Variants in MMS19 observed in about 807,000 individuals in gnomAD.
MMS19 encodes MMS19 cytosolic iron-sulfur assembly component.
Under a neutral mutation model 129.8 loss-of-function variants are expected in MMS19, and 77 were observed. That is an observed-to-expected ratio of 0.59 (90% confidence interval 0.49 to 0.72). The LOEUF is 0.72. MMS19 is among the 30% of genes least tolerant of loss of function. The probability of loss-of-function intolerance (pLI) is 0.00; values close to 1 mark genes in which losing one functional copy is unlikely to be tolerated. For missense variants in MMS19, 1,168 were observed against 1,266.3 expected (o/e 0.92, Z 1.18); for synonymous variants, 491 against 502.8 (o/e 0.98, Z 0.31).
At chr10:97,495,602 C>T (rs2039644058) in intron 1 of MMS19, among the ~76,000 whole-genome samples, 1 of 152,230 alleles carries the variant, frequency 6.6e-6, no homozygotes, top group Admixed American at 6.5e-5. Flanking sequence ...ACAATATTAA[C>T]TTAATCCTTG....
At chr10:97,469,757 A>G (rs1564645012) in intron 10 of MMS19, 34 bp from the exon 11 acceptor site, 1 of 1,581,136 alleles carries the variant, frequency 6.3e-7, no homozygotes. Context: ...AGTTATGTAC[A>G]CACTCAGACA....
chr10:97,486,895 A>G (rs1434678700), intron 1 of MMS19, among the ~76,000 whole-genome samples: 2 of 140,284 alleles, frequency 1.4e-5, no homozygotes, highest in African/African-American at 2.6e-5. Context: ...ATATATATAT[A>G]AAATTAAGAC....
At chr10:97,481,165 G>C in intron 2 of MMS19, 123 bp from the exon 3 acceptor site, 1 of 691,370 alleles carries the variant, frequency 1.4e-6, no homozygotes, top group Non-Finnish European at 2.6e-6. Flanking sequence ...CCTGTTAAGA[G>C]TAAAAACAGC....
intron 3 of MMS19, among the ~76,000 whole-genome samples, chr10:97,479,692 T>G (rs2036407746): frequency 6.6e-6 from 1 of 152,154 alleles, no homozygotes. Context: ...TTGTGCATAA[T>G]TCTTCCAAAG....
intron 18 of MMS19, among the ~76,000 whole-genome samples, chr10:97,464,852 C>T (rs2033049678): frequency 6.6e-6 from 1 of 152,130 alleles, no homozygotes; most frequent in African/African-American, 2.4e-5. Flanking sequence ...GTGCATGCCA[C>T]TGCTCCTGGC....
chr10:97,460,936 G>T lies in MMS19; in HGVS notation c.2383C>A (p.Arg795Ser). 1 of 1,582,748 alleles carries T rather than the reference G, an allele frequency of 6.3e-7. No homozygotes were observed. The highest frequency in any genetic ancestry group is 8.6e-7 in the Non-Finnish European group (1 of 1,163,810). The change falls in exon 24 of 31, where the codon CGT (arginine) becomes AGT (serine). Residue 795 changes from arginine to serine, a missense_variant. By Grantham distance (110) the Arg-to-Ser change is moderately radical. This residue lies in a region of MMS19 where 831 missense variants were observed against 910.8 expected (regional missense o/e 0.91). Coordinates refer to ENST00000438925, the MANE Select transcript of MMS19 (RefSeq NM_022362.5). ...VEAGLGSGPCRSQAFTLLLWV... is the reference protein window; with the variant it reads ...VEAGLGSGPCSSQAFTLLLWV... ...AGAAGAAGAGTGAAGGCCTGACTACGACAGGGCCCAGAGCCCAGGCCAGCC... is the reference window on the plus strand; with the variant it reads ...AGAAGAAGAGTGAAGGCCTGACTACTACAGGGCCCAGAGCCCAGGCCAGCC...
At position 97,466,038 on chromosome 10, in the gene MMS19, CA is replaced by C; in HGVS notation, c.1606+20del. On this transcript the variant is annotated intron_variant, in intron 17 of 30. Coordinates refer to ENST00000438925, the MANE Select transcript of MMS19 (RefSeq NM_022362.5). ...AGCCTTGCTGGAAAGGGATGGGCCA[CA>C]GAGGATTAGAGACACATACCTACAC... 1 of 1,613,366 alleles carries C rather than the reference CA, an allele frequency of 6.2e-7. No individual in the cohort carries two copies. Among genetic ancestry groups the C allele is most frequent in the Non-Finnish European group, 8.5e-7 (1 of 1,179,430 alleles).
chr10:97,484,218 T>A, intron 1 of MMS19, 67 bp from the exon 2 acceptor site: 1 of 1,097,062 alleles, frequency 9.1e-7, no homozygotes, highest in Non-Finnish European at 1.3e-6. Flanking sequence ...TGAATAACAC[T>A]AATTATAATG....
rs774884117 is a variant in MMS19, at chr10:97,468,341, C to A, written c.1129G>T (p.Ala377Ser). 1.3e-5 allele frequency: 21 copies of A among 1,612,994 alleles called. 1 individual carries two copies. The South Asian group carries it at 1.8e-4, about 14-fold the overall frequency. ...LVWPSAKLLQAAAGASARACD... is the reference protein window; with the variant it reads ...LVWPSAKLLQSAAGASARACD... ...GCCCGGGCAGATGCACCTGCAGCTG[C>A]CTGCAACAGCTTGGCACTAGGCCAC... Residue 377 changes from alanine (A) to serine (S), a missense_variant, in exon 13 of 31, where the codon GCA becomes TCA. Around this residue, in one of 3 missense-constraint regions of MMS19, gnomAD observed 831 missense variants for 910.8 expected, o/e 0.91. Coordinates refer to ENST00000438925, the MANE Select transcript of MMS19 (RefSeq NM_022362.5).
At chr10:97,485,608 G>C (rs555874781) in intron 1 of MMS19, among the ~76,000 whole-genome samples, 10 of 151,942 alleles carry the variant, frequency 6.6e-5, no homozygotes. Flanking sequence ...ACTGCACCTG[G>C]CCCTAATTTT....
At chr10:97,479,134 C>T (rs184314053) in intron 3 of MMS19, among the ~76,000 whole-genome samples, 319 of 152,260 alleles carry the variant, frequency 2.1e-3, no homozygotes, top group Middle Eastern at 0.014. Flanking sequence ...TTCCTTCTCC[C>T]TTCCTTCTTG....
intron 1 of MMS19, among the ~76,000 whole-genome samples, chr10:97,493,683 AGT>A (rs149140033): frequency 3.1e-3 from 475 of 152,362 alleles, no homozygotes; most frequent in Non-Finnish European, 5.3e-3. Context: ...ACTAACTTTA[AGT>A]GATTAATTCT....
At chr10:97,474,773 G>A (rs1300975394) in intron 8 of MMS19, among the ~76,000 whole-genome samples, 2 of 152,094 alleles carry the variant, frequency 1.3e-5, no homozygotes, top group African/African-American at 2.4e-5. Flanking sequence ...AGTTTATTTT[G>A]CCTAGATTAT....
intron 22 of MMS19, 80 bp from the exon 23 acceptor site, chr10:97,461,702 C>T (rs889252265): frequency 1.2e-5 from 19 of 1,555,410 alleles, no homozygotes; most frequent in South Asian, 1.1e-4. Context: ...CAGCAGGGAC[C>T]GGGACGGATG....
Position 97,459,516 on chromosome 10 carries a change from A to G in MMS19, c.2750T>C (p.Leu917Ser), listed in dbSNP as rs2031049818. ...LLPELPTLLSLLLEALSCPDC... is the reference protein window; with the variant it reads ...LLPELPTLLSSLLEALSCPDC... ...AGGGCAGGACAGGGCCTCCAGCAGC[A>G]AGGAAAGAAGCTAAGGGGCAATGGG... The change falls in exon 28 of 31, where the codon TTG (leucine) becomes TCG (serine). Residue 917 changes from leucine to serine, a missense_variant. Coordinates refer to ENST00000438925, the MANE Select transcript of MMS19 (RefSeq NM_022362.5). 6.2e-7 allele frequency: 1 copy of G among 1,612,560 alleles called. No individual in the cohort carries two copies. The highest frequency in any genetic ancestry group is 1.3e-5 in the African/African-American group (1 of 74,894).
Position 97,458,616 on chromosome 10 carries a change from TG to T in MMS19, c.*75del. 1 of 1,470,164 alleles carries T rather than the reference TG, an allele frequency of 6.8e-7. No individual in the cohort carries two copies. 91.1% of individuals were successfully genotyped at this position (1,470,164 alleles called of 1,614,324 possible). A position where few individuals can be genotyped will look rare whatever the true frequency, so the allele number is the denominator to read the frequency against. ...GGCAGTCAGAGACCAGTGGTTTCCCTGCTTTGGGGAAGATGGCTCAACAGTT... is the reference window on the plus strand; with the variant it reads ...GGCAGTCAGAGACCAGTGGTTTCCCTCTTTGGGGAAGATGGCTCAACAGTT... On this transcript the variant is annotated 3_prime_UTR_variant, in exon 31 of 31. Coordinates refer to ENST00000438925, the MANE Select transcript of MMS19 (RefSeq NM_022362.5).
Position 97,484,158 on chromosome 10 carries a change from G to A in MMS19, c.113-7C>T. The A allele has an allele frequency of 6.8e-7, 1 of 1,479,078 alleles. No individual in the cohort carries two copies. The allele number at this position is 1,479,078 out of a possible 1,614,324, so 91.6% of individuals were successfully genotyped here. A position where few individuals can be genotyped will look rare whatever the true frequency, so the allele number is the denominator to read the frequency against. The stretch of plus-strand genomic sequence containing the variant: ...TAGTTGCCAGATTTCACATCTGCAG[G>A]AAATAAAATAAATAAATATGAAAAA... On this transcript the variant is annotated splice_region_variant and splice_polypyrimidine_tract_variant and intron_variant, in intron 1 of 30. Transcript: ENST00000438925.
intron 18 of MMS19, 78 bp from the exon 19 acceptor site, chr10:97,464,091 G>A: frequency 7.3e-7 from 1 of 1,364,526 alleles, no homozygotes. Flanking sequence ...GCAGATGAGA[G>A]GAACAAAGAA....
intron 12 of MMS19, 91 bp from the exon 13 acceptor site, chr10:97,468,497 G>A (rs1326008990): frequency 7.8e-7 from 1 of 1,286,938 alleles, no homozygotes; most frequent in Non-Finnish European, 1.0e-6. Context: ...TGAGACCCAT[G>A]ACAGTTTGCA....
Sources: gnomAD v4.1 joint callset for allele counts (sites outside exome capture counted in the v4.1 genomes callset) on GRCh38, gnomAD v4.1.1 for gene constraint, gnomAD v4.1.1 regional missense constraint, MANE v1.5 for transcripts, NCBI Gene and HGNC (gene_info 2026-07-23, HGNC 2026-07-21) for gene names.